The following NEO1 variants were observed in gnomAD, a reference collection of about 807,000 sequenced individuals.
NEO1 encodes neogenin.
Under a neutral mutation model 159.7 loss-of-function variants are expected in NEO1, and 63 were observed. The observed-to-expected ratio is 0.39, with a 90% CI of 0.32 to 0.49. The LOEUF is 0.49. NEO1 is among the 20% of genes least tolerant of loss of function. The pLI, the probability that NEO1 is intolerant of heterozygous loss-of-function variation, is 0.85. For synonymous variants in NEO1, 633 were observed against 662.0 expected (o/e 0.96, Z 0.67); for missense variants, 1,615 against 1,831.0 (o/e 0.88, Z 2.15).
intron 1 of NEO1, among the ~76,000 whole-genome samples, chr15:73,069,125 A>ATTTTTTTTTTTTT (rs962027800): frequency 1.9e-5 from 2 of 105,434 alleles, no homozygotes; most frequent in Non-Finnish European, 1.8e-5. Flanking sequence ...TAATTTTTGT[A>ATTTTTTTTTTTTT]TTTTTTTTTT....
At chr15:73,252,957 T>G (rs891256411) in intron 11 of NEO1, among the ~76,000 whole-genome samples, 1 of 152,064 alleles carries the variant, frequency 6.6e-6, no homozygotes, top group African/African-American at 2.4e-5. Context: ...GCCATTGTGC[T>G]CCAGCCTGGG....
chr15:73,130,006 T>TC (rs146002330), intron 4 of NEO1, among the ~76,000 whole-genome samples: 1 of 152,284 alleles, frequency 6.6e-6, no homozygotes, highest in Non-Finnish European at 1.5e-5. Context: ...TTCTTTTTTT[T>TC]CTTTCTTGAG....
intron 5 of NEO1, among the ~76,000 whole-genome samples, chr15:73,176,134 A>G (rs2035269198): frequency 6.6e-6 from 1 of 152,226 alleles, no homozygotes; most frequent in Non-Finnish European, 1.5e-5. Flanking sequence ...TCTCCAATAT[A>G]GTCAACTTAG....
chr15:73,065,146 G>A (rs917463078), intron 1 of NEO1, among the ~76,000 whole-genome samples: 1 of 151,904 alleles, frequency 6.6e-6, no homozygotes, highest in African/African-American at 2.4e-5. Flanking sequence ...TTGTTTTAAT[G>A]TTATTATGTT....
chr15:73,299,386 CT>C (rs879735123), intron 27 of NEO1, among the ~76,000 whole-genome samples: 315 of 143,236 alleles, frequency 2.2e-3, no homozygotes, highest in Admixed American at 2.5e-3. Flanking sequence ...AACTATTTTC[CT>C]TTTTTTTTTT....
intron 7 of NEO1, among the ~76,000 whole-genome samples, chr15:73,201,098 C>T (rs562923144): frequency 6.6e-6 from 1 of 152,086 alleles, no homozygotes; most frequent in Non-Finnish European, 1.5e-5. Flanking sequence ...ACAGGTTTAA[C>T]AGTCTGTTGA....
intron 5 of NEO1, among the ~76,000 whole-genome samples, chr15:73,142,466 A>C (rs1361953601): frequency 6.6e-6 from 1 of 152,192 alleles, no homozygotes. Flanking sequence ...TGAGATTACA[A>C]AATTTCTGAA....
intron 5 of NEO1, among the ~76,000 whole-genome samples, chr15:73,140,326 C>G (rs1216781950): frequency 6.6e-6 from 1 of 152,070 alleles, no homozygotes; most frequent in Non-Finnish European, 1.5e-5. Flanking sequence ...GAGGCTGAGG[C>G]AGGAGGATCA....
At chr15:73,207,475 C>G (rs2037304767) in intron 7 of NEO1, among the ~76,000 whole-genome samples, 2 of 152,300 alleles carry the variant, frequency 1.3e-5, no homozygotes, top group South Asian at 4.1e-4. Flanking sequence ...CAGGCCAAAT[C>G]CTGTGTATCA....
At chr15:73,070,091 G>C (rs2068461094) in intron 1 of NEO1, among the ~76,000 whole-genome samples, 1 of 152,212 alleles carries the variant, frequency 6.6e-6, no homozygotes, top group Admixed American at 6.5e-5. Flanking sequence ...TCTGTACAGA[G>C]AGTTGGTTGT....
intron 1 of NEO1, among the ~76,000 whole-genome samples, chr15:73,109,690 T>C (rs2070870389): frequency 6.6e-6 from 1 of 152,184 alleles, no homozygotes; most frequent in African/African-American, 2.4e-5. Context: ...ATTATGATCC[T>C]GAACAAGAAT....
At position 73,302,707 on chromosome 15, in the gene NEO1, C is replaced by T. The variant is rs781067436; in HGVS notation, c.*11C>T. On this transcript the variant is annotated 3_prime_UTR_variant, in exon 29 of 29. Transcript: ENST00000261908. ...ATCACAACAGCATGACGACCTTCAC[C>T]AGGACCTGACTTCAAACCTGAGTCT... is the stretch of plus-strand genomic sequence containing the variant. 1.9e-6 allele frequency: 3 copies of T among 1,612,206 alleles called. No individual in the cohort carries two copies. In the Admixed American group the frequency reaches 5.0e-5, roughly 27 times the overall value.
intron 1 of NEO1, among the ~76,000 whole-genome samples, chr15:73,115,393 T>A (rs1183991042): frequency 6.6e-6 from 1 of 152,194 alleles, no homozygotes; most frequent in African/African-American, 2.4e-5. Context: ...ATTAGTCTGA[T>A]TAGAATTAGA....
chr15:73,281,624 C>G (rs1567685624), intron 22 of NEO1, among the ~76,000 whole-genome samples: 1 of 152,118 alleles, frequency 6.6e-6, no homozygotes, highest in Admixed American at 6.5e-5. Flanking sequence ...CCACAACATC[C>G]CACGCTGGCA....
chr15:73,292,450 C>T (rs1044021404), intron 25 of NEO1, among the ~76,000 whole-genome samples: 3 of 152,168 alleles, frequency 2.0e-5, no homozygotes, highest in Non-Finnish European at 2.9e-5. Flanking sequence ...TGATCTTAAA[C>T]GTGCCATTTC....
chr15:73,290,016 G>A (rs1036655143), intron 25 of NEO1, among the ~76,000 whole-genome samples: 11 of 151,970 alleles, frequency 7.2e-5, no homozygotes, highest in African/African-American at 2.4e-4. Context: ...TACCCAAGAG[G>A]CTGAGGCTAC....
At chr15:73,240,366 A>G (rs571308762) in intron 8 of NEO1, among the ~76,000 whole-genome samples, 1 of 152,308 alleles carries the variant, frequency 6.6e-6, no homozygotes, top group South Asian at 2.1e-4. Context: ...GCAGGTGGGC[A>G]TGACTAGTGT....
chr15:73,118,190 C>T (rs1213840542), intron 2 of NEO1, among the ~76,000 whole-genome samples: 2 of 152,086 alleles, frequency 1.3e-5, no homozygotes, highest in Non-Finnish European at 2.9e-5. Context: ...CCACTTTCTC[C>T]TTCCCGAGGC....
chr15:73,237,120 C>CT (rs1298726308), intron 8 of NEO1, among the ~76,000 whole-genome samples: 2 of 148,238 alleles, frequency 1.3e-5, no homozygotes, highest in Admixed American at 1.4e-4. Context: ...TCACTATAGC[C>CT]TTTTTTTCCA....
Sources: allele counts gnomAD v4.1 joint callset (sites outside exome capture counted in the v4.1 genomes callset), GRCh38; gene constraint gnomAD v4.1.1; transcripts MANE v1.5; gene names NCBI Gene and HGNC (gene_info 2026-07-23, HGNC 2026-07-21).